CTNNA2: variants seen among roughly 807,000 people sequenced by gnomAD.
The protein encoded by CTNNA2 is catenin alpha-2.
CTNNA2 carries 42 observed loss-of-function variants against 101.0 expected under a neutral mutation model. That is an observed-to-expected ratio of 0.42 (90% CI 0.32 to 0.54). The LOEUF (loss-of-function observed/expected upper bound fraction) is 0.54. Ranked by LOEUF, CTNNA2 falls within the 20% of genes least tolerant of loss-of-function variation. CTNNA2 has a pLI of 0.14. For missense variants in CTNNA2, 871 were observed against 1,223.1 expected (o/e 0.71, Z 4.29); for synonymous variants, 450 against 456.4 (o/e 0.99, Z 0.18).
chr2:80,175,381 T>G (rs1705327001), intron 7 of CTNNA2, among the ~76,000 whole-genome samples: 1 of 152,226 alleles, frequency 6.6e-6, no homozygotes, highest in African/African-American at 2.4e-5. Context: ...TTTGGCAGGA[T>G]ACGCATTAAT....
chr2:79,467,056 G>C (rs980214947), intron 4 of CTNNA2, among the ~76,000 whole-genome samples: 7 of 152,188 alleles, frequency 4.6e-5, no homozygotes, highest in African/African-American at 1.4e-4. Flanking sequence ...AGAGAAGAAG[G>C]CTTCAGATGA....
At chr2:79,808,293 G>C (rs541165160) in intron 3 of CTNNA2, among the ~76,000 whole-genome samples, 3 of 152,256 alleles carry the variant, frequency 2.0e-5, no homozygotes, top group South Asian at 4.1e-4. Flanking sequence ...AGGACTACTG[G>C]GTAGTGAGGG....
chr2:80,032,790 A>G (rs1695374301), intron 7 of CTNNA2, among the ~76,000 whole-genome samples: 1 of 152,206 alleles, frequency 6.6e-6, no homozygotes, highest in Non-Finnish European at 1.5e-5. Flanking sequence ...GCCTGTATGA[A>G]GAAACATTCC....
At chr2:80,478,963 G>A (rs955829874) in intron 9 of CTNNA2, among the ~76,000 whole-genome samples, 2 of 151,644 alleles carry the variant, frequency 1.3e-5, no homozygotes, top group Admixed American at 6.6e-5. Flanking sequence ...ATTGCTTTGG[G>A]CAGTATGGCC....
chr2:80,638,240 C>T (rs1428013075), intron 18 of CTNNA2, among the ~76,000 whole-genome samples: 1 of 152,140 alleles, frequency 6.6e-6, no homozygotes, highest in Non-Finnish European at 1.5e-5. Context: ...TGCTGATGCA[C>T]AGAATCAGAG....
At chr2:79,435,517 G>A (rs1678703496) in intron 4 of CTNNA2, among the ~76,000 whole-genome samples, 1 of 152,172 alleles carries the variant, frequency 6.6e-6, no homozygotes, top group Non-Finnish European at 1.5e-5. Flanking sequence ...TGCTGTGTGA[G>A]GAGATAAACC....
At chr2:80,321,734 T>G (rs2149246942) in intron 7 of CTNNA2, among the ~76,000 whole-genome samples, 1 of 152,304 alleles carries the variant, frequency 6.6e-6, no homozygotes, top group Admixed American at 6.5e-5. Flanking sequence ...CATGCACGCA[T>G]GTACTTGTGG....
chr2:80,067,246 A>C, intron 7 of CTNNA2, among the ~76,000 whole-genome samples: 1 of 152,154 alleles, frequency 6.6e-6, no homozygotes, highest in East Asian at 1.9e-4. Flanking sequence ...AAAAAAATGA[A>C]AAGTATGTGA....
chr2:80,236,284 G>A (rs1709546559), intron 7 of CTNNA2, among the ~76,000 whole-genome samples: 1 of 152,150 alleles, frequency 6.6e-6, no homozygotes, highest in Non-Finnish European at 1.5e-5. Flanking sequence ...GTGTGCAAGT[G>A]TCTTTATGGT....
At chr2:80,040,482 G>A (rs1426389409) in intron 7 of CTNNA2, among the ~76,000 whole-genome samples, 1 of 152,220 alleles carries the variant, frequency 6.6e-6, no homozygotes, top group East Asian at 1.9e-4. Flanking sequence ...GCTGTCATTT[G>A]GCGATGCAGT....
intron 2 of CTNNA2, among the ~76,000 whole-genome samples, chr2:79,278,113 A>T (rs759678574): frequency 4.6e-5 from 7 of 152,158 alleles, no homozygotes; most frequent in African/African-American, 9.6e-5. Context: ...TGTAGAACCA[A>T]GACAACATCG....
chr2:80,097,778 T>G (rs1296951619), intron 7 of CTNNA2, among the ~76,000 whole-genome samples: 3 of 152,226 alleles, frequency 2.0e-5, no homozygotes, highest in African/African-American at 7.2e-5. Flanking sequence ...GCTGATACCC[T>G]TTCTTCCAGT....
In CTNNA2 at chr2:79,714,203, C is replaced by T. The variant is rs916862784; in HGVS notation, c.103-30184C>T. Among the ~76,000 whole-genome samples the T allele has an allele frequency of 5.9e-5, 9 of 152,054 alleles. No individual in the cohort carries two copies. The South Asian group carries it at 1.5e-3, about 25-fold the overall frequency. ...CTTCAAGACAGTCCATGCAACTGTCCGGGCAGTTCTAGAGATCTGCTCCAC... is the reference window on the plus strand; with the variant it reads ...CTTCAAGACAGTCCATGCAACTGTCTGGGCAGTTCTAGAGATCTGCTCCAC... On this transcript the variant is annotated intron_variant, in intron 2 of 18. Coordinates refer to ENST00000402739, the MANE Select transcript of CTNNA2 (RefSeq NM_001282597.3).
At chr2:80,559,422 C>T (rs1425077165) in intron 12 of CTNNA2, among the ~76,000 whole-genome samples, 2 of 152,152 alleles carry the variant, frequency 1.3e-5, no homozygotes, top group East Asian at 1.9e-4. Flanking sequence ...TGGCTGCCCT[C>T]GCTGAGTGGC....
chr2:80,264,434 G>C (rs1271035557), intron 7 of CTNNA2, among the ~76,000 whole-genome samples: 1 of 152,032 alleles, frequency 6.6e-6, no homozygotes, highest in Non-Finnish European at 1.5e-5. Flanking sequence ...TTTGTTTCAG[G>C]TAAAAATGTA....
intron 3 of CTNNA2, among the ~76,000 whole-genome samples, chr2:79,856,511 C>G (rs1473487309): frequency 1.3e-5 from 2 of 152,150 alleles, no homozygotes; most frequent in Non-Finnish European, 2.9e-5. Flanking sequence ...AAAAATCTGT[C>G]ATATTAACTG....
In CTNNA2 at chr2:80,198,728, C is replaced by T. The variant is rs1037168346; in HGVS notation, c.1057-194483C>T. Among the ~76,000 whole-genome samples the T allele has an allele frequency of 3.3e-5, 5 of 152,142 alleles. No individual in the cohort carries two copies. The South Asian group carries it at 8.3e-4, about 25-fold the overall frequency. On this transcript the variant is annotated intron_variant, in intron 7 of 18. Transcript: ENST00000402739. ...AATTTACTAATTTTATGACCCCTAT[C>T]CCAAAGTGCTTGGAAGAGGATTTAT... is the stretch of plus-strand genomic sequence containing the variant.
At chr2:79,410,839 C>A (rs1243457701) in intron 4 of CTNNA2, among the ~76,000 whole-genome samples, 1 of 151,796 alleles carries the variant, frequency 6.6e-6, no homozygotes, top group Non-Finnish European at 1.5e-5. Context: ...AGGATTCCCT[C>A]TTTTTCTATT....
intron 3 of CTNNA2, among the ~76,000 whole-genome samples, chr2:79,790,053 T>C (rs1346256378): frequency 6.6e-6 from 1 of 152,138 alleles, no homozygotes; most frequent in Non-Finnish European, 1.5e-5. Context: ...ATATTTACAT[T>C]TGGAAATGTA....
Sources: gnomAD v4.1 joint callset for allele counts (sites outside exome capture counted in the v4.1 genomes callset) on GRCh38, gnomAD v4.1.1 for gene constraint, MANE v1.5 for transcripts, NCBI Gene and HGNC (gene_info 2026-07-23, HGNC 2026-07-21) for gene names.